The following ERBIN variants were observed in gnomAD, a reference collection of about 807,000 sequenced individuals.
The protein encoded by ERBIN is densin-180-like protein.
A neutral mutation model predicts 158.4 loss-of-function variants in ERBIN; 60 were observed. The observed-to-expected ratio is 0.38, with a 90% CI of 0.31 to 0.47. The LOEUF (loss-of-function observed/expected upper bound fraction) is 0.47. Among genes scored for constraint, ERBIN ranks in the 20% least tolerant of loss-of-function variants. ERBIN has a pLI of 0.99. For synonymous variants in ERBIN, 594 were observed against 557.2 expected (o/e 1.07, Z -0.93); for missense variants, 1,610 against 1,648.0 (o/e 0.98, Z 0.40).
At chr5:66,020,178 A>T (rs760402612) in intron 7 of ERBIN, among the ~76,000 whole-genome samples, 2 of 152,042 alleles carry the variant, frequency 1.3e-5, no homozygotes, top group African/African-American at 2.4e-5. Context: ...AGAGTTGATG[A>T]CAGAATGGCA....
rs1029665270 is a variant in ERBIN, at chr5:65,965,407, T to G, written c.-57-23228T>G. Among the ~76,000 whole-genome samples the G allele has an allele frequency of 1.1e-3, 18 of 16,456 alleles. 2 individuals carry two copies. Among genetic ancestry groups the G allele is most frequent in the African/African-American group, 3.1e-3 (16 of 5,196 alleles). The allele number at this position is 16,456 out of a possible 152,430, so 10.8% of individuals were successfully genotyped here. ...GTTTTTTTTTTTTTTTTTTTTTTTT[T>G]TTTTTTTTTTTTTTTTGAGACGGAG... On this transcript the variant is annotated intron_variant, in intron 1 of 25. Coordinates refer to ENST00000284037, the MANE Select transcript of ERBIN (RefSeq NM_001253697.2).
At chr5:66,012,513 A>G (rs1452703091) in intron 5 of ERBIN, among the ~76,000 whole-genome samples, 3 of 152,228 alleles carry the variant, frequency 2.0e-5, no homozygotes, top group South Asian at 4.1e-4. Flanking sequence ...GTTTTAACAG[A>G]AGGCAAAACA....
At chr5:65,990,612 C>T (rs555208140) in intron 2 of ERBIN, among the ~76,000 whole-genome samples, 3 of 151,144 alleles carry the variant, frequency 2.0e-5, no homozygotes, top group Middle Eastern at 3.5e-3. Context: ...GAGCTGAGAT[C>T]GTGCCACTGC....
intron 1 of ERBIN, among the ~76,000 whole-genome samples, chr5:65,979,440 C>T (rs1750405740): frequency 6.6e-6 from 1 of 152,034 alleles, no homozygotes; most frequent in Non-Finnish European, 1.5e-5. Context: ...ACCCGCAAAC[C>T]AAATGAGTAA....
At chr5:66,059,811 T>G (rs1056985948) in intron 21 of ERBIN, among the ~76,000 whole-genome samples, 1 of 152,224 alleles carries the variant, frequency 6.6e-6, no homozygotes, top group Non-Finnish European at 1.5e-5. Context: ...GGTTTTTGTC[T>G]TTGGTTCTGT....
In ERBIN at chr5:66,054,535, A is replaced by T. The variant is rs1459203312; in HGVS notation, c.3217A>T (p.Thr1073Ser). 2.5e-6 allele frequency: 4 copies of T among 1,614,218 alleles called. No homozygotes were observed. The highest frequency in any genetic ancestry group is 3.4e-6 in the Non-Finnish European group (4 of 1,180,026). The change falls in exon 21 of 26, where the codon ACA (threonine) becomes TCA (serine). Residue 1073 changes from threonine (T) to serine (S), a missense_variant. Around this residue, in one of 2 missense-constraint regions of ERBIN, gnomAD observed 1,014 missense variants for 936.1 expected, o/e 1.08. Coordinates refer to ENST00000284037, the MANE Select transcript of ERBIN (RefSeq NM_001253697.2). ...DRLIPAVTRS[T>S]IQRQSSVSST... ...ACTTATTCCTGCAGTAACTCGAAGT[A>T]CAATCCAGCGACAAAGTAGTGTGTC...
chr5:66,068,982 G>A (rs1259948756), intron 21 of ERBIN: 5 of 1,535,316 alleles, frequency 3.3e-6, no homozygotes, highest in Non-Finnish European at 4.4e-6. Flanking sequence ...TGCCTTGAGT[G>A]TTGCAGACAG....
chr5:65,998,696 A>G (rs1752697379), intron 4 of ERBIN, among the ~76,000 whole-genome samples: 1 of 151,488 alleles, frequency 6.6e-6, no homozygotes. Flanking sequence ...CAGGAGTTTG[A>G]GATCAGCCTG....
intron 1 of ERBIN, among the ~76,000 whole-genome samples, chr5:65,983,365 A>G (rs1750857191): frequency 6.6e-6 from 1 of 152,136 alleles, no homozygotes; most frequent in Admixed American, 6.5e-5. Context: ...GTCCTTATAA[A>G]TGCTCTTACA....
At chr5:66,060,525 G>A (rs991094821) in intron 21 of ERBIN, among the ~76,000 whole-genome samples, 15 of 151,944 alleles carry the variant, frequency 9.9e-5, no homozygotes, top group African/African-American at 3.1e-4. Flanking sequence ...AGGGTTTTTT[G>A]TGTCTCTATC....
chr5:66,022,130 A>G (rs1319065059), intron 8 of ERBIN, among the ~76,000 whole-genome samples: 1 of 152,098 alleles, frequency 6.6e-6, no homozygotes, highest in Non-Finnish European at 1.5e-5. Context: ...CCCTGTGGGT[A>G]TTATATTAAT....
chr5:66,034,979 G>A (rs180753213), intron 14 of ERBIN, among the ~76,000 whole-genome samples: 10 of 152,268 alleles, frequency 6.6e-5, no homozygotes, highest in Non-Finnish European at 1.3e-4. Flanking sequence ...TAGTAGTCTT[G>A]CTGAGGGTGA....
At chr5:66,070,546 A>G (rs960222965) in intron 21 of ERBIN, among the ~76,000 whole-genome samples, 1 of 152,090 alleles carries the variant, frequency 6.6e-6, no homozygotes, top group African/African-American at 2.4e-5. Flanking sequence ...GAGCCTTTGA[A>G]TACATTGAAT....
intron 1 of ERBIN, among the ~76,000 whole-genome samples, chr5:65,939,056 G>C (rs938936798): frequency 1.3e-5 from 2 of 152,072 alleles, no homozygotes; most frequent in Non-Finnish European, 2.9e-5. Flanking sequence ...GAGCTGGCCC[G>C]CTTTATCCAT....
At chr5:65,989,189 T>C (rs1034892416) in intron 2 of ERBIN, among the ~76,000 whole-genome samples, 4 of 152,214 alleles carry the variant, frequency 2.6e-5, no homozygotes, top group African/African-American at 9.7e-5. Flanking sequence ...TTCTTCCTTT[T>C]GGATTATTTC....
chr5:65,971,687 CTCTT>C (rs1321653516), intron 1 of ERBIN, among the ~76,000 whole-genome samples: 8 of 152,156 alleles, frequency 5.3e-5, no homozygotes, highest in Non-Finnish European at 1.0e-4. Flanking sequence ...GATGAGCATT[CTCTT>C]TCTATGTCCA....
chr5:65,992,702 T>A lies in ERBIN; in HGVS notation c.-9-8T>A. 1 of 1,564,072 alleles carries A rather than the reference T, an allele frequency of 6.4e-7. No individual in the cohort carries two copies. Among genetic ancestry groups the A allele is most frequent in the South Asian group, 1.2e-5 (1 of 82,834 alleles). On this transcript the variant is annotated splice_region_variant and splice_polypyrimidine_tract_variant and intron_variant, in intron 2 of 25. Coordinates refer to ENST00000284037, the MANE Select transcript of ERBIN (RefSeq NM_001253697.2). ...TGTTTTAAATTTCTTTTTATTCGAA[T>A]ATTGCAGTGTCTAAAAATGACTACA...
chr5:65,960,534 T>G (rs1186005987), intron 1 of ERBIN, among the ~76,000 whole-genome samples: 1 of 152,160 alleles, frequency 6.6e-6, no homozygotes, highest in Non-Finnish European at 1.5e-5. Context: ...AGATTCTAAT[T>G]TAATTGGTTA....
At position 66,025,830 on chromosome 5, in the gene ERBIN, T is replaced by TC; in HGVS notation, c.891-17dup. On this transcript the variant is annotated splice_polypyrimidine_tract_variant and intron_variant, in intron 11 of 25. Transcript: ENST00000284037. ...AAATCTTTAACAAATAATATATATT[T>TC]CTTTTTTTAAATTAAAGGTTAATAT... The TC allele has an allele frequency of 7.4e-7, 1 of 1,352,116 alleles. No individual in the cohort carries two copies. The highest frequency in any genetic ancestry group is 2.7e-5 in the East Asian group (1 of 37,296). 83.8% of individuals were successfully genotyped at this position (1,352,116 alleles called of 1,614,324 possible). A position where few individuals can be genotyped will look rare whatever the true frequency, so the allele number is the denominator to read the frequency against.
Sources: gnomAD v4.1 joint callset for allele counts (sites outside exome capture counted in the v4.1 genomes callset) on GRCh38, gnomAD v4.1.1 for gene constraint, gnomAD v4.1.1 regional missense constraint, MANE v1.5 for transcripts, NCBI Gene and HGNC (gene_info 2026-07-23, HGNC 2026-07-21) for gene names.